The following GPC6 variants were observed in gnomAD, a reference collection of about 807,000 sequenced individuals.
The protein encoded by GPC6 is glypican-6.
In GPC6, 14 loss-of-function variants were observed where a neutral mutation model predicts 55.2. The observed-to-expected ratio is 0.25, with a 90% confidence interval of 0.17 to 0.40. GPC6 has a LOEUF of 0.40. Among genes scored for constraint, GPC6 ranks in the 10% least tolerant of loss-of-function variants. The pLI is 1.00. For missense variants in GPC6, 641 were observed against 708.5 expected, an observed-to-expected ratio of 0.90 and a Z score of 1.08; for synonymous variants, 278 against 259.6, an observed-to-expected ratio of 1.07 and a Z score of -0.68.
At chr13:94,022,236 A>G (rs1882724543) in intron 3 of GPC6, among the ~76,000 whole-genome samples, 1 of 151,850 alleles carries the variant, frequency 6.6e-6, no homozygotes, top group Non-Finnish European at 1.5e-5. Context: ...ATATATCCCC[A>G]TTTCCTGACC....
chr13:93,620,169 C>T (rs1428464695), intron 2 of GPC6, among the ~76,000 whole-genome samples: 2 of 152,128 alleles, frequency 1.3e-5, no homozygotes, highest in East Asian at 3.9e-4. Context: ...AAGATGTTCT[C>T]TGCCAAAATA....
chr13:93,347,717 G>C (rs1258265808), intron 1 of GPC6, among the ~76,000 whole-genome samples: 1 of 152,090 alleles, frequency 6.6e-6, no homozygotes, highest in Non-Finnish European at 1.5e-5. Context: ...ATCTTTATTA[G>C]TTTCATAATC....
chr13:93,852,293 G>A (rs1033844044), intron 3 of GPC6, among the ~76,000 whole-genome samples: 2 of 151,546 alleles, frequency 1.3e-5, no homozygotes, highest in South Asian at 2.1e-4. Flanking sequence ...TTTTGGAAAC[G>A]CATACTTTGT....
chr13:93,326,635 A>C (rs921572855), intron 1 of GPC6, among the ~76,000 whole-genome samples: 1 of 152,196 alleles, frequency 6.6e-6, no homozygotes. Context: ...ATATTTCTTT[A>C]TGTCAAACAT....
chr13:94,012,796 T>A (rs1882300991), intron 3 of GPC6, among the ~76,000 whole-genome samples: 1 of 152,230 alleles, frequency 6.6e-6, no homozygotes, highest in Non-Finnish European at 1.5e-5. Context: ...AGATCCATTA[T>A]AAGTATGTAA....
chr13:94,268,294 A>G (rs1761981847), intron 4 of GPC6, among the ~76,000 whole-genome samples: 2 of 152,312 alleles, frequency 1.3e-5, no homozygotes, highest in African/African-American at 4.8e-5. Context: ...TGAAAAGTGT[A>G]GCAGCCAACA....
intron 2 of GPC6, among the ~76,000 whole-genome samples, chr13:93,746,138 G>C (rs544906866): frequency 5.3e-5 from 8 of 152,320 alleles, no homozygotes; most frequent in African/African-American, 1.9e-4. Context: ...TACTACAAAA[G>C]TGTACCAATG....
At chr13:93,456,105 A>G (rs1878443435) in intron 1 of GPC6, among the ~76,000 whole-genome samples, 1 of 152,186 alleles carries the variant, frequency 6.6e-6, no homozygotes. Flanking sequence ...GGAGAATTGT[A>G]ACAAGTGTCT....
At chr13:93,556,196 C>T (rs975304772) in intron 2 of GPC6, among the ~76,000 whole-genome samples, 6 of 151,946 alleles carry the variant, frequency 3.9e-5, no homozygotes, top group African/African-American at 1.2e-4. Flanking sequence ...TTATGAACTA[C>T]ACAATTATTA....
chr13:93,444,375 G>A (rs1484731950), intron 1 of GPC6, among the ~76,000 whole-genome samples: 2 of 152,176 alleles, frequency 1.3e-5, no homozygotes, highest in East Asian at 1.9e-4. Flanking sequence ...TTGGGAGGCC[G>A]AGGTGGGTGG....
intron 4 of GPC6, among the ~76,000 whole-genome samples, chr13:94,270,228 T>G (rs1401698583): frequency 6.6e-6 from 1 of 152,214 alleles, no homozygotes; most frequent in Non-Finnish European, 1.5e-5. Flanking sequence ...AATAAATAAC[T>G]GTCAATTTAA....
At chr13:93,254,694 T>A (rs1876895505) in intron 1 of GPC6, among the ~76,000 whole-genome samples, 1 of 152,056 alleles carries the variant, frequency 6.6e-6, no homozygotes, top group African/African-American at 2.4e-5. Context: ...TTTAAGTAAG[T>A]TCTGGAATTA....
intron 3 of GPC6, among the ~76,000 whole-genome samples, chr13:93,859,693 A>C (rs948259752): frequency 3.2e-5 from 4 of 126,488 alleles, no homozygotes; most frequent in Non-Finnish European, 5.0e-5. Flanking sequence ...AAGTCTTAAC[A>C]ACCATGTAAG....
intron 2 of GPC6, among the ~76,000 whole-genome samples, chr13:93,730,252 A>G (rs780064388): frequency 1.3e-5 from 2 of 152,156 alleles, no homozygotes; most frequent in Non-Finnish European, 1.5e-5. Flanking sequence ...CCAGACACTC[A>G]TCAAGTGCAG....
At chr13:94,092,100 AGTT>A (rs1195376531) in intron 4 of GPC6, among the ~76,000 whole-genome samples, 5 of 126,566 alleles carry the variant, frequency 4.0e-5, no homozygotes, top group Admixed American at 1.9e-4. Flanking sequence ...CACCTCACAT[AGTT>A]ACCTGTGTGT....
chr13:94,141,353 T>C (rs112309120), intron 4 of GPC6, among the ~76,000 whole-genome samples: 40 of 152,312 alleles, frequency 2.6e-4, no homozygotes, highest in Non-Finnish European at 4.6e-4. Context: ...TGTTAACCAA[T>C]ACACTGAGAC....
At chr13:93,252,322 C>T (rs1049757315) in intron 1 of GPC6, among the ~76,000 whole-genome samples, 7 of 152,192 alleles carry the variant, frequency 4.6e-5, no homozygotes, top group African/African-American at 1.4e-4. Flanking sequence ...CATTCAATAA[C>T]TCAAACTATT....
At chr13:94,065,511 T>C (rs977744584) in intron 4 of GPC6, among the ~76,000 whole-genome samples, 1 of 152,220 alleles carries the variant, frequency 6.6e-6, no homozygotes, top group African/African-American at 2.4e-5. Flanking sequence ...CAAAATTAAA[T>C]GCATTTTCTG....
intron 3 of GPC6, among the ~76,000 whole-genome samples, chr13:93,949,000 A>G (rs998544772): frequency 6.6e-6 from 1 of 152,148 alleles, no homozygotes; most frequent in Non-Finnish European, 1.5e-5. Context: ...TGAGGAGATG[A>G]CAGGGCTTTC....
Sources: allele counts gnomAD v4.1 joint callset (sites outside exome capture counted in the v4.1 genomes callset), GRCh38; gene constraint gnomAD v4.1.1; transcripts MANE v1.5; gene names NCBI Gene and HGNC (gene_info 2026-07-23, HGNC 2026-07-21).